The following ANKFY1 variants were observed in gnomAD, a reference collection of about 807,000 sequenced individuals.
The protein encoded by ANKFY1 is ankyrin repeat and FYVE domain-containing protein 1.
Under a neutral mutation model 128.3 loss-of-function variants are expected in ANKFY1, and 47 were observed. The ratio of observed to expected loss-of-function variants is 0.37; its 90% CI spans 0.29 to 0.47. The LOEUF (loss-of-function observed/expected upper bound fraction) is 0.47, where lower values mean the gene tolerates loss of function less well. Ranked by LOEUF, ANKFY1 falls within the 20% of genes least tolerant of loss-of-function variation. The pLI is 1.00. For missense variants in ANKFY1, 1,222 were observed against 1,510.6 expected (o/e 0.81, Z 3.17); for synonymous variants, 553 against 601.6 (o/e 0.92, Z 1.18).
Position 4,183,879 on chromosome 17 carries a change from C to G in ANKFY1, c.1731G>C (p.Gln577His). 1 of 1,613,926 alleles carries G rather than the reference C, an allele frequency of 6.2e-7. No individual in the cohort carries two copies. The highest frequency in any genetic ancestry group is 8.5e-7 in the Non-Finnish European group (1 of 1,179,792). The change falls in exon 13 of 25, where the codon CAG (glutamine) becomes CAC (histidine). Residue 577 changes from glutamine (Q) to histidine (H), a missense_variant. Gln to His is a conservative substitution (Grantham distance 24). Coordinates refer to ENST00000341657, the MANE Select transcript of ANKFY1 (RefSeq NM_001330063.2). ...CTTTGAGGCTGAAGTCCGGAATGAT[C>G]TGCAAGTTGTTGGTGGCATGAAGAG... ...ANALHATNNL[Q>H]IIPDFSLKDS...
At chr17:4,205,619 G>A (rs1402687370) in intron 7 of ANKFY1, among the ~76,000 whole-genome samples, 1 of 151,992 alleles carries the variant, frequency 6.6e-6, no homozygotes, top group Admixed American at 6.6e-5. Context: ...GTGGGCACCT[G>A]TAGTCCCAGC....
At position 4,263,946 on chromosome 17, in the gene ANKFY1, G is replaced by T; in HGVS notation, c.-5C>A. On this transcript the variant is annotated 5_prime_UTR_variant, in exon 1 of 25. Coordinates refer to ENST00000341657, the MANE Select transcript of ANKFY1 (RefSeq NM_001330063.2). ...AAAAACCCTACCTTCCGCCATGTCT[G>T]GCCCGGCACTGCCTGCAACCTCGCG... 6.2e-7 allele frequency: 1 copy of T among 1,614,034 alleles called. No homozygotes were observed. Among genetic ancestry groups the T allele is most frequent in the Non-Finnish European group, 8.5e-7 (1 of 1,179,962 alleles).
chr17:4,213,500 A>G (rs1259774846), intron 4 of ANKFY1, among the ~76,000 whole-genome samples: 2 of 152,104 alleles, frequency 1.3e-5, no homozygotes, highest in African/African-American at 4.8e-5. Flanking sequence ...AGTAAGTTAC[A>G]TTAGTAAGTT....
intron 4 of ANKFY1, among the ~76,000 whole-genome samples, chr17:4,214,325 T>G (rs187464711): frequency 6.6e-6 from 1 of 152,198 alleles, no homozygotes. Flanking sequence ...GCCATTTGGA[T>G]AGATTATAAA....
intron 14 of ANKFY1, 70 bp from the exon 15 acceptor site, chr17:4,182,419 C>T: frequency 8.0e-7 from 1 of 1,257,336 alleles, no homozygotes. Flanking sequence ...CCCTTCTGGG[C>T]ATTCCAGAGT....
At chr17:4,185,362 C>T (rs1393439183) in intron 11 of ANKFY1, among the ~76,000 whole-genome samples, 1 of 152,136 alleles carries the variant, frequency 6.6e-6, no homozygotes, top group Non-Finnish European at 1.5e-5. Context: ...CGCACCACCA[C>T]ACCCAGCTAA....
chr17:4,235,322 C>CA (rs1966871512), intron 3 of ANKFY1, among the ~76,000 whole-genome samples: 1 of 115,406 alleles, frequency 8.7e-6, no homozygotes, highest in Non-Finnish European at 1.7e-5. Flanking sequence ...GCCTGGGTAA[C>CA]AGAGTGAGAC....
chr17:4,196,003 G>A (rs912616147), intron 8 of ANKFY1, among the ~76,000 whole-genome samples: 9 of 125,104 alleles, frequency 7.2e-5, no homozygotes, highest in Non-Finnish European at 1.4e-4. Context: ...CCGAGTCAGG[G>A]CCCAAGGCTG....
rs754784105 is a variant in ANKFY1 at position 4,183,842 on chromosome 17, G to A, written c.1768C>T (p.Gln590Ter). The A allele has an allele frequency of 6.2e-7, 1 of 1,613,650 alleles. No individual in the cohort carries two copies. The highest frequency in any genetic ancestry group is 1.7e-5 in the Admixed American group (1 of 60,006). ...PDFSLKDSRD[Q>*]TVLGLALWTG... ...CATAATGCCAGGCCCAGCACAGTCT[G>A]GTCTCGGGAATCTTTGAGGCTGAAG... The change falls in exon 13 of 25, where the codon CAG (glutamine) becomes TAG (stop). Residue 590 changes from glutamine (Q) to a stop codon, truncating the protein, a stop_gained. Coordinates refer to ENST00000341657, the MANE Select transcript of ANKFY1 (RefSeq NM_001330063.2). LOFTEE classifies it high-confidence loss of function.
In ANKFY1 at chr17:4,206,339, G is replaced by A. The variant is rs764784558; in HGVS notation, c.880C>T (p.His294Tyr). ...MVDKSGWSLL[H>Y]KGIQRGDLFA... The stretch of plus-strand genomic sequence containing the variant: ...TTCCTACCTCTTTGGATTCCTTTGT[G>A]TAACAAGCTCCAGCCACTCTTGTCC... The change falls in exon 7 of 25, where the codon CAC (histidine) becomes TAC (tyrosine). Residue 294 changes from histidine to tyrosine, a missense_variant. His to Tyr is a moderately conservative substitution (Grantham distance 83). Coordinates refer to ENST00000341657, the MANE Select transcript of ANKFY1 (RefSeq NM_001330063.2). 1.2e-6 allele frequency: 2 copies of A among 1,613,678 alleles called. No homozygotes were observed. Among genetic ancestry groups the A allele is most frequent in the African/African-American group, 1.3e-5 (1 of 74,914 alleles).
chr17:4,230,022 G>A (rs1178621512), intron 3 of ANKFY1, among the ~76,000 whole-genome samples: 1 of 152,172 alleles, frequency 6.6e-6, no homozygotes, highest in Non-Finnish European at 1.5e-5. Flanking sequence ...ACTTCCCGTG[G>A]ATGTCATCGA....
At chr17:4,173,113 C>G (rs958352296) in intron 21 of ANKFY1, among the ~76,000 whole-genome samples, 4 of 152,260 alleles carry the variant, frequency 2.6e-5, no homozygotes, top group Middle Eastern at 3.2e-3. Flanking sequence ...GCCTCGGACT[C>G]CCGAAGTGCT....
intron 3 of ANKFY1, among the ~76,000 whole-genome samples, chr17:4,228,618 T>G (rs2060465180): frequency 6.6e-6 from 1 of 152,150 alleles, no homozygotes; most frequent in Non-Finnish European, 1.5e-5. Context: ...GGTTTCGCCA[T>G]GTTAGCTAGG....
At chr17:4,262,057 G>A (rs1465975761) in intron 1 of ANKFY1, among the ~76,000 whole-genome samples, 1 of 152,232 alleles carries the variant, frequency 6.6e-6, no homozygotes, top group Non-Finnish European at 1.5e-5. Context: ...CGGGCGCGAT[G>A]GCTCATACCT....
At chr17:4,263,734 G>A in intron 1 of ANKFY1, 198 bp downstream of exon 1, 4 of 1,484,460 alleles carry the variant, frequency 2.7e-6, no homozygotes, top group South Asian at 1.3e-5. Context: ...TCGGCATCGC[G>A]GGAGGGACGT....
chr17:4,173,322 C>T (rs1425587590), intron 21 of ANKFY1, 32 bp downstream of exon 21: 3 of 1,603,946 alleles, frequency 1.9e-6, no homozygotes, highest in Non-Finnish European at 2.6e-6. Flanking sequence ...AGGCCAGGCG[C>T]CGCGGGGCCT....
chr17:4,208,716 G>A (rs1212950541), intron 5 of ANKFY1, among the ~76,000 whole-genome samples: 1 of 152,042 alleles, frequency 6.6e-6, no homozygotes, highest in Non-Finnish European at 1.5e-5. Context: ...TTTGCAAAAG[G>A]TAGCACCAGC....
At chr17:4,204,849 A>G (rs2059992967) in intron 7 of ANKFY1, among the ~76,000 whole-genome samples, 1 of 152,200 alleles carries the variant, frequency 6.6e-6, no homozygotes, top group South Asian at 2.1e-4. Flanking sequence ...TGCACAGCAC[A>G]TAACGGTGCT....
At position 4,163,886 on chromosome 17, in the gene ANKFY1, T is replaced by A. The variant is rs2059167325; in HGVS notation, c.*3893A>T. 6.5e-6 allele frequency: 1 copy of A among 152,694 alleles called. No homozygotes were observed. Among genetic ancestry groups the A allele is most frequent in the African/African-American group, 2.4e-5 (1 of 41,470 alleles). 9.5% of individuals were successfully genotyped at this position (152,694 alleles called of 1,614,324 possible). ...ATTAGAAGTAACTACAAATGTCTTA[T>A]TAAAGTTTCCACTTTAAATGCACAA... On this transcript the variant is annotated 3_prime_UTR_variant, in exon 25 of 25. Coordinates refer to ENST00000341657, the MANE Select transcript of ANKFY1 (RefSeq NM_001330063.2).
Sources: allele counts gnomAD v4.1 joint callset (sites outside exome capture counted in the v4.1 genomes callset), GRCh38; gene constraint gnomAD v4.1.1; transcripts MANE v1.5; gene names NCBI Gene and HGNC (gene_info 2026-07-23, HGNC 2026-07-21).